DPP10: variants seen among roughly 807,000 people sequenced by gnomAD.
DPP10 encodes the protein inactive dipeptidyl peptidase 10.
A neutral mutation model predicts 120.9 loss-of-function variants in DPP10; 33 were observed. That is an observed-to-expected ratio of 0.27 (90% CI 0.21 to 0.37). The LOEUF (loss-of-function observed/expected upper bound fraction) is 0.37. Ranked by LOEUF, DPP10 falls within the 10% of genes least tolerant of loss-of-function variation. The pLI, the probability that DPP10 is intolerant of heterozygous loss-of-function variation, is 1.00. For missense variants in DPP10, 816 were observed against 942.8 expected (o/e 0.87, Z 1.76); for synonymous variants, 337 against 326.1 (o/e 1.03, Z -0.36).
At chr2:115,137,223 G>A (rs532247951) in intron 1 of DPP10, among the ~76,000 whole-genome samples, 1 of 152,302 alleles carries the variant, frequency 6.6e-6, no homozygotes. Flanking sequence ...GATAGGCAGT[G>A]ATAGAATTAC....
intron 1 of DPP10, among the ~76,000 whole-genome samples, chr2:114,729,314 G>C (rs1285508167): frequency 6.6e-6 from 1 of 152,208 alleles, no homozygotes; most frequent in African/African-American, 2.4e-5. Context: ...GACAGAATAA[G>C]CCATTTTGTA....
intron 1 of DPP10, among the ~76,000 whole-genome samples, chr2:114,869,670 A>G (rs1690529962): frequency 1.3e-5 from 2 of 152,178 alleles, no homozygotes; most frequent in Non-Finnish European, 2.9e-5. Flanking sequence ...TGCCCCATCT[A>G]GTTCCTCCCT....
intron 1 of DPP10, among the ~76,000 whole-genome samples, chr2:115,017,365 G>C (rs1042467768): frequency 2.0e-5 from 3 of 152,162 alleles, no homozygotes; most frequent in Admixed American, 2.0e-4. Flanking sequence ...AGGTCCTGGA[G>C]AGGATGTGGA....
chr2:114,676,344 A>G (rs1163003052), intron 1 of DPP10, among the ~76,000 whole-genome samples: 1 of 152,142 alleles, frequency 6.6e-6, no homozygotes, highest in Non-Finnish European at 1.5e-5. Flanking sequence ...ATAAATGCCT[A>G]TTTTCAACTC....
chr2:114,648,002 T>C (rs1324619571), intron 1 of DPP10, among the ~76,000 whole-genome samples: 1 of 152,160 alleles, frequency 6.6e-6, no homozygotes, highest in East Asian at 1.9e-4. Flanking sequence ...CCTTCAAAGA[T>C]AGAGGCAGTA....
intron 3 of DPP10, among the ~76,000 whole-genome samples, chr2:115,385,676 A>G (rs1042152764): frequency 6.6e-6 from 1 of 152,152 alleles, no homozygotes; most frequent in Non-Finnish European, 1.5e-5. Context: ...AGATTTCTAT[A>G]GAGCTGTCCA....
chr2:114,460,152 C>T (rs757906030), intron 1 of DPP10, among the ~76,000 whole-genome samples: 21 of 151,316 alleles, frequency 1.4e-4, no homozygotes, highest in African/African-American at 3.6e-4. Context: ...CCATAGCAAC[C>T]GAATGCATTT....
At chr2:115,632,683 TG>T (rs1458602750) in intron 5 of DPP10, among the ~76,000 whole-genome samples, 2 of 152,196 alleles carry the variant, frequency 1.3e-5, no homozygotes, top group African/African-American at 4.8e-5. Context: ...TCTACCCATC[TG>T]ACAAAGGGCT....
intron 5 of DPP10, among the ~76,000 whole-genome samples, chr2:115,620,506 C>A (rs533936242): frequency 7.5e-4 from 114 of 152,312 alleles, no homozygotes; most frequent in African/African-American, 2.7e-3. Flanking sequence ...CTGCAAAGCA[C>A]CATCAATGGA....
intron 1 of DPP10, among the ~76,000 whole-genome samples, chr2:114,733,092 G>T (rs1168319650): frequency 6.6e-6 from 1 of 152,200 alleles, no homozygotes; most frequent in Admixed American, 6.5e-5. Flanking sequence ...GAAAGGGCAG[G>T]TCTTGACGAC....
rs536835883 is a variant in DPP10 at position 115,000,040 on chromosome 2, C to A, written c.61-309199C>A. 2.0e-5 allele frequency among the ~76,000 whole-genome samples: 3 copies of A among 151,820 alleles called. No homozygotes were observed. In the South Asian group the frequency reaches 6.2e-4, roughly 32 times the overall value. ...AGTTTTTTTTTAATTTATCAGTCTC[C>A]TTTTTCCTCATGACCATCCCTAAAC... On this transcript the variant is annotated intron_variant, in intron 1 of 25. Transcript: ENST00000410059.
At chr2:114,973,010 GTTTA>G (rs1399808833) in intron 1 of DPP10, among the ~76,000 whole-genome samples, 2 of 151,990 alleles carry the variant, frequency 1.3e-5, no homozygotes, top group African/African-American at 2.4e-5. Flanking sequence ...TTGTAATTTT[GTTTA>G]TTTATTTTTA....
At position 115,762,555 on chromosome 2, in the gene DPP10, T is replaced by A. The variant is rs1164978910; in HGVS notation, c.1075-17T>A. ...TTGGTCTTTAGATGCTTCATGGAGT[T>A]AATTGTTTTGTTTCAGAAATATGAG... On this transcript the variant is annotated splice_polypyrimidine_tract_variant and intron_variant, in intron 11 of 25. Transcript: ENST00000410059. 1 of 1,613,560 alleles carries A rather than the reference T, an allele frequency of 6.2e-7. No homozygotes were observed. The highest frequency in any genetic ancestry group is 8.5e-7 in the Non-Finnish European group (1 of 1,179,842).
intron 3 of DPP10, among the ~76,000 whole-genome samples, chr2:115,496,338 T>A (rs1014235909): frequency 6.6e-6 from 1 of 152,088 alleles, no homozygotes; most frequent in African/African-American, 2.4e-5. Context: ...AACAGTAAAA[T>A]TTGCAGGAGT....
intron 5 of DPP10, among the ~76,000 whole-genome samples, chr2:115,639,544 T>C (rs2086611769): frequency 6.6e-6 from 1 of 152,114 alleles, no homozygotes. Context: ...GTCAGAAGGT[T>C]TATGCAAAGA....
intron 7 of DPP10, among the ~76,000 whole-genome samples, chr2:115,719,344 C>A (rs1350343962): frequency 6.6e-6 from 1 of 152,112 alleles, no homozygotes; most frequent in African/African-American, 2.4e-5. Context: ...TTTGAAAGGG[C>A]TTCCTGATAT....
intron 5 of DPP10, among the ~76,000 whole-genome samples, chr2:115,662,498 A>G (rs1250383988): frequency 1.3e-5 from 2 of 152,004 alleles, no homozygotes; most frequent in African/African-American, 4.8e-5. Flanking sequence ...ACATTTCTCA[A>G]AAGAAACATA....
chr2:114,928,783 C>A (rs1000026374), intron 1 of DPP10, among the ~76,000 whole-genome samples: 2 of 152,142 alleles, frequency 1.3e-5, no homozygotes, highest in East Asian at 3.9e-4. Flanking sequence ...AGCCTCCAAG[C>A]TTTCACCACT....
chr2:115,285,877 G>A (rs1352238176), intron 1 of DPP10, among the ~76,000 whole-genome samples: 1 of 152,010 alleles, frequency 6.6e-6, no homozygotes, highest in Non-Finnish European at 1.5e-5. Flanking sequence ...ATGATAGATT[G>A]TAGTTAATGA....
Sources: gnomAD v4.1 joint callset for allele counts (sites outside exome capture counted in the v4.1 genomes callset) on GRCh38, gnomAD v4.1.1 for gene constraint, MANE v1.5 for transcripts, NCBI Gene and HGNC (gene_info 2026-07-23, HGNC 2026-07-21) for gene names.